COL14A1: variants seen among roughly 807,000 people sequenced by gnomAD.
COL14A1 encodes the protein collagen alpha-1(XIV) chain.
Under a neutral mutation model 230.3 loss-of-function variants are expected in COL14A1, and 136 were observed. The observed-to-expected ratio is 0.59, with a 90% CI of 0.51 to 0.68. The LOEUF (loss-of-function observed/expected upper bound fraction) is 0.68, where lower values mean the gene tolerates loss of function less well. COL14A1 is among the 30% of genes least tolerant of loss of function. The probability of loss-of-function intolerance (pLI) is 0.00; values close to 1 mark genes in which losing one functional copy is unlikely to be tolerated. For missense variants in COL14A1, 1,976 were observed against 2,215.8 expected, an observed-to-expected ratio of 0.89 and a Z score of 2.17; for synonymous variants, 792 against 784.1, an observed-to-expected ratio of 1.01 and a Z score of -0.17.
chr8:120,286,598 C>T (rs1005710360), intron 33 of COL14A1, among the ~76,000 whole-genome samples: 2 of 152,164 alleles, frequency 1.3e-5, no homozygotes, highest in African/African-American at 4.8e-5. Flanking sequence ...CAAGCTCTGC[C>T]TCCCGGGTTC....
At chr8:120,199,259 C>A in intron 7 of COL14A1, 143 bp from the exon 8 acceptor site, 1 of 680,204 alleles carries the variant, frequency 1.5e-6, no homozygotes. Context: ...CTGTGAAAGA[C>A]AACGTTATTA....
At chr8:120,237,773 T>C (rs1818493387) in intron 19 of COL14A1, among the ~76,000 whole-genome samples, 1 of 152,200 alleles carries the variant, frequency 6.6e-6, no homozygotes, top group Non-Finnish European at 1.5e-5. Flanking sequence ...GTCTTTGATG[T>C]TGGTGACCTT....
intron 26 of COL14A1, chr8:120,277,391 A>T (rs541778222): frequency 6.6e-6 from 1 of 152,252 alleles, no homozygotes; most frequent in African/African-American, 2.4e-5. Context: ...AAACTGTCAA[A>T]TGAGGTGGCA....
In COL14A1 at chr8:120,216,441, A is replaced by T. The variant is rs1373904579; in HGVS notation, c.1688A>T (p.Asn563Ile). The T allele has an allele frequency of 1.2e-6, 2 of 1,613,758 alleles. No individual in the cohort carries two copies. The highest frequency in any genetic ancestry group is 1.3e-5 in the African/African-American group (1 of 74,916). Residue 563 changes from asparagine (N) to isoleucine (I), a missense_variant, in exon 14 of 48, where the codon AAT becomes ATT. Asn to Ile is a moderately radical substitution (Grantham distance 149). Coordinates refer to ENST00000297848, the MANE Select transcript of COL14A1 (RefSeq NM_021110.4). ...LTWDPTSRQI[N>I]GYRIVYNNAD... Reference sequence around the variant, plus strand: ...TGGGACCCAACTTCAAGACAGATCAATGGTTATCGAATTGTATATAACAAT... The same window carrying T: ...TGGGACCCAACTTCAAGACAGATCATTGGTTATCGAATTGTATATAACAAT...
chr8:120,237,917 T>C (rs1818497599), intron 19 of COL14A1, among the ~76,000 whole-genome samples: 1 of 152,320 alleles, frequency 6.6e-6, no homozygotes, highest in South Asian at 2.1e-4. Context: ...TTCCAGACCC[T>C]GTGTGCCTGG....
At chr8:120,243,831 G>C in intron 19 of COL14A1, 48 bp from the exon 20 acceptor site, 7 of 1,599,648 alleles carry the variant, frequency 4.4e-6, no homozygotes, top group Non-Finnish European at 6.0e-6. Context: ...TACCAAATCA[G>C]TGGAAACGGG....
chr8:120,259,794 C>G (rs1488495878), intron 23 of COL14A1, among the ~76,000 whole-genome samples: 1 of 152,080 alleles, frequency 6.6e-6, no homozygotes, highest in African/African-American at 2.4e-5. Context: ...GGAGGTAGAT[C>G]AGTATGATCC....
At chr8:120,335,070 C>T (rs1822006313) in intron 42 of COL14A1, among the ~76,000 whole-genome samples, 1 of 152,044 alleles carries the variant, frequency 6.6e-6, no homozygotes, top group Non-Finnish European at 1.5e-5. Context: ...TAGAGTGATC[C>T]TGACCCAAGA....
At chr8:120,129,762 C>T (rs1344234537) in intron 1 of COL14A1, among the ~76,000 whole-genome samples, 1 of 152,204 alleles carries the variant, frequency 6.6e-6, no homozygotes, top group Non-Finnish European at 1.5e-5. Context: ...TTTCAAGTGT[C>T]ATTGACCCTA....
intron 4 of COL14A1, among the ~76,000 whole-genome samples, chr8:120,166,880 G>GTA (rs1222908007): frequency 1.7e-5 from 2 of 116,428 alleles, no homozygotes; most frequent in African/African-American, 3.6e-5. Context: ...ATTTAAGTGT[G>GTA]TGTGTGTGTG....
chr8:120,273,036 A>G (rs940984496), intron 26 of COL14A1, among the ~76,000 whole-genome samples: 1 of 151,726 alleles, frequency 6.6e-6, no homozygotes, highest in Non-Finnish European at 1.5e-5. Context: ...CTAGACCATG[A>G]TAGGCCACAA....
chr8:120,191,443 CTGAGGAGAGCTTT>C (rs1816821446), intron 5 of COL14A1, among the ~76,000 whole-genome samples: 1 of 151,190 alleles, frequency 6.6e-6, no homozygotes, highest in East Asian at 1.9e-4. Flanking sequence ...TTTACATTTG[CTGAGGAGAGCTTT>C]ACTTCCAACT....
intron 45 of COL14A1, among the ~76,000 whole-genome samples, chr8:120,350,576 G>T (rs1822713744): frequency 6.6e-6 from 1 of 150,726 alleles, no homozygotes; most frequent in South Asian, 2.1e-4. Flanking sequence ...AAAAAGGCAG[G>T]GGTTGCAATC....
Position 120,206,928 on chromosome 8 carries a change from G to GA in COL14A1, c.1040-15_1040-14insA, listed in dbSNP as rs1554607060. The GA allele has an allele frequency of 1.3e-6, 2 of 1,588,028 alleles. No homozygotes were observed. Among genetic ancestry groups the GA allele is most frequent in the Non-Finnish European group, 1.7e-6 (2 of 1,172,018 alleles). On this transcript the variant is annotated splice_polypyrimidine_tract_variant and intron_variant, in intron 9 of 47. Coordinates refer to ENST00000297848, the MANE Select transcript of COL14A1 (RefSeq NM_021110.4). ...TTTGGGTAAGAGGTTTATTTGATATGTTTTTTTAATTTAGCCTCAGCCCAT... is the reference window on the plus strand; with the variant it reads ...TTTGGGTAAGAGGTTTATTTGATATGATTTTTTTAATTTAGCCTCAGCCCAT...
rs1244773353 is a variant in COL14A1 at position 120,278,565 on chromosome 8, G to T, written c.3468G>T (p.Glu1156Asp). The T allele has an allele frequency of 6.2e-7, 1 of 1,611,868 alleles. No individual in the cohort carries two copies. The highest frequency in any genetic ancestry group is 2.2e-5 in the East Asian group (1 of 44,796). ...ATGATGTGAACAAAATCTCCAGGGA[G>T]ATGCAATTAGATGGTAAGATATATA... ...SQDDVNKISR[E>D]MQLDGYSIFA... Residue 1156 changes from glutamate to aspartate, a missense_variant, in exon 28 of 48, where the codon GAG becomes GAT. Glu to Asp is a conservative substitution (Grantham distance 45). Coordinates refer to ENST00000297848, the MANE Select transcript of COL14A1 (RefSeq NM_021110.4).
chr8:120,279,977 C>G lies in COL14A1; in HGVS notation c.3524C>G (p.Ser1175Trp), dbSNP rs369127166. Residue 1175 changes from serine (S) to tryptophan (W), a missense_variant, in exon 29 of 48, where the codon TCG becomes TGG. Ser to Trp is a radical substitution (Grantham distance 177). Around this residue, in one of 3 missense-constraint regions of COL14A1, gnomAD observed 1,791 missense variants for 2,019.5 expected, o/e 0.89. Transcript: ENST00000297848. The part of the protein sequence containing the change: ...FAIGVADADY[S>W]ELVSIGSKPS... ...ATTGGTGTGGCCGATGCAGATTACTCGGAGTTGGTTAGCATTGGCAGTAAG... is the reference window on the plus strand; with the variant it reads ...ATTGGTGTGGCCGATGCAGATTACTGGGAGTTGGTTAGCATTGGCAGTAAG... 6.2e-7 allele frequency: 1 copy of G among 1,613,706 alleles called. No homozygotes were observed. Among genetic ancestry groups the G allele is most frequent in the Admixed American group, 1.7e-5 (1 of 59,914 alleles).
In COL14A1 at chr8:120,278,424, C is replaced by T; in HGVS notation, c.3338-11C>T. On this transcript the variant is annotated splice_polypyrimidine_tract_variant and intron_variant, in intron 27 of 47. Coordinates refer to ENST00000297848, the MANE Select transcript of COL14A1 (RefSeq NM_021110.4). ...GGAGTGAAATCAAACTGTTGCCTTT[C>T]TTTGTTTCAGGAAAAGCAATTAAGT... 6.2e-7 allele frequency: 1 copy of T among 1,606,342 alleles called. No homozygotes were observed. Among genetic ancestry groups the T allele is most frequent in the South Asian group, 1.1e-5 (1 of 88,944 alleles).
intron 1 of COL14A1, among the ~76,000 whole-genome samples, chr8:120,138,263 A>G (rs1271313829): frequency 1.3e-5 from 2 of 152,062 alleles, no homozygotes; most frequent in African/African-American, 2.4e-5. Flanking sequence ...TTTTTGCTTT[A>G]TGTATTTTGA....
chr8:120,135,644 C>T (rs1252469153), intron 1 of COL14A1, among the ~76,000 whole-genome samples: 1 of 152,008 alleles, frequency 6.6e-6, no homozygotes, highest in East Asian at 1.9e-4. Context: ...GAATATTTGT[C>T]CATGACTTTT....
Sources: gnomAD v4.1 joint callset for allele counts (sites outside exome capture counted in the v4.1 genomes callset) on GRCh38, gnomAD v4.1.1 for gene constraint, gnomAD v4.1.1 regional missense constraint, MANE v1.5 for transcripts, NCBI Gene and HGNC (gene_info 2026-07-23, HGNC 2026-07-21) for gene names.